The following IMMP2L variants were observed in gnomAD, a reference collection of about 807,000 sequenced individuals.
The protein encoded by IMMP2L is mitochondrial inner membrane protease subunit 2.
A neutral mutation model predicts 19.3 loss-of-function variants in IMMP2L; 18 were observed. The ratio of observed to expected loss-of-function variants is 0.93; its 90% CI spans 0.64 to 1.38. IMMP2L has a LOEUF of 1.38. Among genes scored for constraint, IMMP2L ranks in the 40% most tolerant of loss-of-function variants. IMMP2L has a pLI of 0.00. For missense variants in IMMP2L, 233 were observed against 218.2 expected, an observed-to-expected ratio of 1.07 and a Z score of -0.43; for synonymous variants, 76 against 73.0, an observed-to-expected ratio of 1.04 and a Z score of -0.21.
chr7:111,096,186 G>A (rs756305596), intron 3 of IMMP2L, among the ~76,000 whole-genome samples: 5 of 151,940 alleles, frequency 3.3e-5, no homozygotes, highest in Admixed American at 2.6e-4. Flanking sequence ...ATCTGGTGAA[G>A]TAGGGTAGAT....
intron 3 of IMMP2L, among the ~76,000 whole-genome samples, chr7:111,144,505 T>C (rs1027184313): frequency 1.3e-5 from 2 of 152,122 alleles, no homozygotes; most frequent in East Asian, 3.8e-4. Flanking sequence ...TCAAATACAG[T>C]GTGTCTATCT....
At chr7:111,475,419 T>A (rs924545769) in intron 3 of IMMP2L, among the ~76,000 whole-genome samples, 1 of 152,020 alleles carries the variant, frequency 6.6e-6, no homozygotes, top group Non-Finnish European at 1.5e-5. Context: ...CTTTTTTTTT[T>A]CTAAAAGGAA....
chr7:110,785,442 C>T (rs1342520091), intron 5 of IMMP2L, among the ~76,000 whole-genome samples: 1 of 151,756 alleles, frequency 6.6e-6, no homozygotes, highest in Non-Finnish European at 1.5e-5. Context: ...TGGTAGAGTC[C>T]CAAGGATCTT....
chr7:110,808,169 T>C (rs897182389), intron 5 of IMMP2L, among the ~76,000 whole-genome samples: 1 of 152,028 alleles, frequency 6.6e-6, no homozygotes, highest in Non-Finnish European at 1.5e-5. Context: ...CAAATAAAGA[T>C]AAAAGCTATC....
At chr7:111,075,764 T>C (rs1318444594) in intron 3 of IMMP2L, among the ~76,000 whole-genome samples, 1 of 152,162 alleles carries the variant, frequency 6.6e-6, no homozygotes, top group Non-Finnish European at 1.5e-5. Flanking sequence ...AAGATAGACA[T>C]GCTGATGACT....
intron 3 of IMMP2L, among the ~76,000 whole-genome samples, chr7:111,129,929 A>AT (rs1801691656): frequency 6.6e-6 from 1 of 152,186 alleles, no homozygotes; most frequent in African/African-American, 2.4e-5. Flanking sequence ...TTACAGCAGA[A>AT]TATAGATTAT....
At position 110,872,606 on chromosome 7, in the gene IMMP2L, T is replaced by C. The variant is rs112770539; in HGVS notation, c.408+13987A>G. On this transcript the variant is annotated intron_variant, in intron 5 of 5. Transcript: ENST00000405709. ...CAGAATTGGTTGGTCTACAGGTAGA[T>C]ACCTGATCCAAACTATGACAACCAC... is the stretch of plus-strand genomic sequence containing the variant. Among the ~76,000 whole-genome samples, 21 of 152,274 alleles carry C rather than the reference T, an allele frequency of 1.4e-4. 1 individual carries two copies. Among genetic ancestry groups the C allele is most frequent in the African/African-American group, 5.1e-4 (21 of 41,564 alleles).
intron 4 of IMMP2L, among the ~76,000 whole-genome samples, chr7:110,917,031 A>G (rs1813687294): frequency 6.6e-6 from 1 of 152,176 alleles, no homozygotes; most frequent in South Asian, 2.1e-4. Flanking sequence ...AAGGATTTCA[A>G]GATGAGATAA....
At chr7:111,014,656 G>GA (rs970445535) in intron 3 of IMMP2L, among the ~76,000 whole-genome samples, 15 of 151,368 alleles carry the variant, frequency 9.9e-5, no homozygotes, top group East Asian at 5.8e-4. Flanking sequence ...TATGGAATGG[G>GA]AAAAAAAATC....
At chr7:111,527,089 A>G (rs1191605858) in intron 1 of IMMP2L, among the ~76,000 whole-genome samples, 1 of 151,978 alleles carries the variant, frequency 6.6e-6, no homozygotes, top group East Asian at 1.9e-4. Flanking sequence ...CCTGAGGTAG[A>G]TATCTGTCTC....
intron 3 of IMMP2L, among the ~76,000 whole-genome samples, chr7:111,325,156 T>G (rs1235519247): frequency 1.3e-5 from 2 of 151,750 alleles, no homozygotes; most frequent in African/African-American, 4.8e-5. Context: ...AATATAAGAT[T>G]TTAGTTACAA....
chr7:111,406,671 T>A (rs1328074176), intron 3 of IMMP2L, among the ~76,000 whole-genome samples: 1 of 152,114 alleles, frequency 6.6e-6, no homozygotes, highest in Non-Finnish European at 1.5e-5. Flanking sequence ...TTCCTCATTT[T>A]ATTCAGGTCT....
At chr7:110,771,547 CT>C (rs944164819) in intron 5 of IMMP2L, among the ~76,000 whole-genome samples, 3 of 152,054 alleles carry the variant, frequency 2.0e-5, no homozygotes, top group African/African-American at 7.2e-5. Flanking sequence ...TCTCAAGTTC[CT>C]TATCGGAAAA....
At chr7:111,093,793 G>A (rs1797114199) in intron 3 of IMMP2L, among the ~76,000 whole-genome samples, 1 of 152,146 alleles carries the variant, frequency 6.6e-6, no homozygotes, top group African/African-American at 2.4e-5. Flanking sequence ...ATGACTGGAA[G>A]ATTTACCCAT....
At chr7:111,422,976 CAT>C (rs1442421193) in intron 3 of IMMP2L, among the ~76,000 whole-genome samples, 3 of 151,762 alleles carry the variant, frequency 2.0e-5, no homozygotes, top group Non-Finnish European at 4.4e-5. Flanking sequence ...TTGAGATAAT[CAT>C]GTGGTTTTTG....
chr7:110,894,508 G>T (rs1474979936), intron 4 of IMMP2L, among the ~76,000 whole-genome samples: 1 of 152,040 alleles, frequency 6.6e-6, no homozygotes, highest in Non-Finnish European at 1.5e-5. Context: ...TCTGTCATTT[G>T]CACATCTTCT....
rs1012478960 is a variant in IMMP2L, at chr7:111,278,002, C to T, written c.239+209236G>A. On this transcript the variant is annotated intron_variant, in intron 3 of 5. Transcript: ENST00000405709. ...CTTAGAAAGTCAAATACCACATGTT[C>T]TCACTTATAAGTGGGAGCTAAACAA... Among the ~76,000 whole-genome samples the T allele has an allele frequency of 2.6e-5, 4 of 152,092 alleles. 1 individual carries two copies. The highest frequency in any genetic ancestry group is 5.9e-5 in the Non-Finnish European group (4 of 68,010).
At chr7:111,072,043 T>C (rs1185748755) in intron 3 of IMMP2L, among the ~76,000 whole-genome samples, 1 of 152,038 alleles carries the variant, frequency 6.6e-6, no homozygotes, top group Non-Finnish European at 1.5e-5. Context: ...TATAGGGCAA[T>C]TTAAGAATCA....
At chr7:111,098,880 G>A (rs988747602) in intron 3 of IMMP2L, among the ~76,000 whole-genome samples, 11 of 151,656 alleles carry the variant, frequency 7.3e-5, no homozygotes, top group Admixed American at 2.6e-4. Context: ...AGTTGATATC[G>A]CCTTCCAAGA....
Sources: gnomAD v4.1 joint callset for allele counts (sites outside exome capture counted in the v4.1 genomes callset) on GRCh38, gnomAD v4.1.1 for gene constraint, MANE v1.5 for transcripts, NCBI Gene and HGNC (gene_info 2026-07-23, HGNC 2026-07-21) for gene names.